Variants in TNRC6A observed in about 807,000 individuals in gnomAD.
TNRC6A encodes the protein trinucleotide repeat containing adaptor 6A, also known as trinucleotide repeat-containing gene 6A protein.
TNRC6A carries 44 observed loss-of-function variants against 221.2 expected under a neutral mutation model. That is an observed-to-expected ratio of 0.20 (90% confidence interval 0.16 to 0.26). The LOEUF is 0.26. Among genes scored for constraint, TNRC6A ranks in the 10% least tolerant of loss-of-function variants. The pLI is 1.00. For synonymous variants in TNRC6A, 847 were observed against 838.5 expected, an observed-to-expected ratio of 1.01 and a Z score of -0.18; for missense variants, 2,199 against 2,404.4, an observed-to-expected ratio of 0.91 and a Z score of 1.79.
rs1223678588 is a variant in TNRC6A, at chr16:24,626,452, T to C, written n.277-14432T>C. On this transcript the variant is annotated intron_variant and non_coding_transcript_variant, in intron 1 of 2. Coordinates refer to the TNRC6A transcript ENST00000566108. ...AAATTTCATAACAGATATCTTTCTA[T>C]GAGAATCTAGACTTATTCTGCCTCT... Among the ~76,000 whole-genome samples, 5 of 152,100 alleles carry C rather than the reference T, an allele frequency of 3.3e-5. No individual in the cohort carries two copies. In the East Asian group the frequency reaches 9.6e-4, roughly 29 times the overall value.
chr16:24,816,986 G>A, intron 20 of TNRC6A, 30 bp downstream of exon 20: 1 of 1,603,618 alleles, frequency 6.2e-7, no homozygotes, highest in Non-Finnish European at 8.5e-7. Context: ...CAATTTCTGA[G>A]TGACACTTAA....
intron 2 of TNRC6A, among the ~76,000 whole-genome samples, chr16:24,705,032 T>G (rs1203389319): frequency 6.6e-6 from 1 of 152,124 alleles, no homozygotes; most frequent in Non-Finnish European, 1.5e-5. Context: ...TTAGCGCAAG[T>G]GGAGTCATTC....
At chr16:24,822,655 CCAG>C (rs1465355931) in intron 23 of TNRC6A, among the ~76,000 whole-genome samples, 1 of 152,032 alleles carries the variant, frequency 6.6e-6, no homozygotes, top group Non-Finnish European at 1.5e-5. Context: ...TGGGGAGTGT[CCAG>C]GAGTCTAGAG....
At chr16:24,625,657 C>T (rs1302807112) in intron 1 of TNRC6A, among the ~76,000 whole-genome samples, 1 of 145,992 alleles carries the variant, frequency 6.8e-6, no homozygotes, top group Non-Finnish European at 1.5e-5. Context: ...ACCCGGGAGG[C>T]GGAGCTTGCA....
At chr16:24,750,861 TA>T (rs34485608) in intron 3 of TNRC6A, 48 bp downstream of exon 3, 16,743 of 1,341,114 alleles carry the variant, frequency 0.012, 177 homozygotes, top group African/African-American at 0.05. Flanking sequence ...AACATAGAAT[TA>T]AAAAAAAATT....
intron 4 of TNRC6A, among the ~76,000 whole-genome samples, chr16:24,774,145 A>G (rs775834654): frequency 3.9e-5 from 6 of 152,196 alleles, no homozygotes; most frequent in African/African-American, 7.2e-5. Flanking sequence ...GATTATGAAC[A>G]TAGTTAACTT....
At chr16:24,697,319 T>G (rs1360980957) in intron 2 of TNRC6A, among the ~76,000 whole-genome samples, 2 of 152,220 alleles carry the variant, frequency 1.3e-5, no homozygotes, top group African/African-American at 2.4e-5. Flanking sequence ...TCGTTGTGTC[T>G]CTTGTGTCTC....
At chr16:24,639,504 G>T (rs1019075753) in intron 1 of TNRC6A, among the ~76,000 whole-genome samples, 4 of 151,772 alleles carry the variant, frequency 2.6e-5, no homozygotes, top group Non-Finnish European at 5.9e-5. Flanking sequence ...AAAAACATGA[G>T]AAAGACTAAG....
At chr16:24,717,765 T>A (rs1055626388) in intron 2 of TNRC6A, among the ~76,000 whole-genome samples, 9 of 134,140 alleles carry the variant, frequency 6.7e-5, no homozygotes, top group African/African-American at 2.5e-4. Flanking sequence ...CATCTTTTTT[T>A]TTTTCTTTTT....
intron 21 of TNRC6A, 109 bp from the exon 22 acceptor site, chr16:24,820,030 C>G (rs1466140784): frequency 9.5e-7 from 1 of 1,052,158 alleles, no homozygotes; most frequent in African/African-American, 1.6e-5. Context: ...TTTAAAGTTT[C>G]TTTTGTTTGT....
chr16:24,752,364 G>A lies in TNRC6A; in HGVS notation c.141+1551G>A, dbSNP rs189788952. ...AATAATTCAGTTCTGCATGTCCTGA[G>A]CCTAGGGGTGTCATCAGCAAGTATT... is the stretch of plus-strand genomic sequence containing the variant. On this transcript the variant is annotated intron_variant, in intron 3 of 24. Coordinates refer to ENST00000395799, the MANE Select transcript of TNRC6A (RefSeq NM_014494.4). Among the ~76,000 whole-genome samples the A allele has an allele frequency of 9.2e-5, 14 of 152,326 alleles. No individual in the cohort carries two copies. In the East Asian group the frequency reaches 2.7e-3, roughly 29 times the overall value.
Position 24,662,731 on chromosome 16 carries a change from G to A in TNRC6A, n.402+21722G>A, listed in dbSNP as rs558843563. 5 of 153,850 alleles carry A rather than the reference G, an allele frequency of 3.2e-5. No homozygotes were observed. In the East Asian group the frequency reaches 9.6e-4, roughly 30 times the overall value. The allele number at this position is 153,850 out of a possible 1,614,324, so 9.5% of individuals were successfully genotyped here. A position where few individuals can be genotyped will look rare whatever the true frequency, so the allele number is the denominator to read the frequency against. ...TTGCAGAGAGGCCATGCATAGGCATGCTAGCAGGTGTATTTTTCATTGTAC... is the reference window on the plus strand; with the variant it reads ...TTGCAGAGAGGCCATGCATAGGCATACTAGCAGGTGTATTTTTCATTGTAC... On this transcript the variant is annotated intron_variant and non_coding_transcript_variant, in intron 2 of 2. Transcript: ENST00000566108.
At position 24,804,641 on chromosome 16, in the gene TNRC6A, A is replaced by G; in HGVS notation, c.3838-64A>G. The G allele has an allele frequency of 6.5e-7, 1 of 1,527,140 alleles. No homozygotes were observed. Among genetic ancestry groups the G allele is most frequent in the Non-Finnish European group, 8.7e-7 (1 of 1,144,896 alleles). 94.6% of individuals were successfully genotyped at this position (1,527,140 alleles called of 1,614,324 possible). ...ATGTGACTTCTCTTCTGTTCCTGCA[A>G]TGATTTCTCCCTTCCACTTGTTTGC... is the stretch of plus-strand genomic sequence containing the variant. On this transcript the variant is annotated intron_variant, in intron 12 of 24. Coordinates refer to ENST00000395799, the MANE Select transcript of TNRC6A (RefSeq NM_014494.4).
intron 2 of TNRC6A, among the ~76,000 whole-genome samples, chr16:24,684,031 A>G (rs2055581070): frequency 6.6e-6 from 1 of 152,216 alleles, no homozygotes; most frequent in South Asian, 2.1e-4. Context: ...CTTTGTCACC[A>G]CTATTCAACT....
chr16:24,697,578 A>G (rs140589237), intron 2 of TNRC6A, among the ~76,000 whole-genome samples: 1,887 of 152,134 alleles, frequency 0.012, 46 homozygotes, highest in African/African-American at 0.043. Context: ...CCAGCTACTT[A>G]GGAAGCTGAG....
At chr16:24,688,273 C>A (rs564246960) in intron 2 of TNRC6A, among the ~76,000 whole-genome samples, 118 of 152,114 alleles carry the variant, frequency 7.8e-4, no homozygotes, top group African/African-American at 2.7e-3. Context: ...GTAGGTGAAA[C>A]CCTACTCATT....
intron 10 of TNRC6A, among the ~76,000 whole-genome samples, 171 bp downstream of exon 10, chr16:24,797,741 T>G (rs899854187): frequency 1.3e-5 from 2 of 152,234 alleles, no homozygotes; most frequent in Non-Finnish European, 2.9e-5. Context: ...GCTAAAAACT[T>G]CAATCACATG....
At chr16:24,758,694 G>A (rs917985001) in intron 4 of TNRC6A, among the ~76,000 whole-genome samples, 1 of 152,048 alleles carries the variant, frequency 6.6e-6, no homozygotes, top group African/African-American at 2.4e-5. Flanking sequence ...CTTGTGTGGG[G>A]TAACCTCTAG....
At chr16:24,708,900 C>T (rs958244919) in intron 2 of TNRC6A, among the ~76,000 whole-genome samples, 1 of 152,110 alleles carries the variant, frequency 6.6e-6, no homozygotes, top group African/African-American at 2.4e-5. Context: ...GCTGATTGGT[C>T]AGTGGGCATT....
Sources: gnomAD v4.1 joint callset for allele counts (sites outside exome capture counted in the v4.1 genomes callset) on GRCh38, gnomAD v4.1.1 for gene constraint, MANE v1.5 for transcripts, NCBI Gene and HGNC (gene_info 2026-07-23, HGNC 2026-07-21) for gene names.